Variants in DPP6 observed in about 807,000 individuals in gnomAD.
The protein encoded by DPP6 is A-type potassium channel modulatory protein DPP6.
DPP6 carries 69 observed loss-of-function variants against 122.6 expected under a neutral mutation model. The observed-to-expected ratio is 0.56, with a 90% CI of 0.46 to 0.69. DPP6 has a LOEUF of 0.69. DPP6 is among the 30% of genes least tolerant of loss of function. The probability of loss-of-function intolerance (pLI) is 0.00; values close to 1 mark genes in which losing one functional copy is unlikely to be tolerated. For missense variants in DPP6, 928 were observed against 1,116.9 expected, an observed-to-expected ratio of 0.83 and a Z score of 2.41; for synonymous variants, 418 against 433.1, an observed-to-expected ratio of 0.97 and a Z score of 0.43.
chr7:154,142,051 C>G (rs993632140), intron 1 of DPP6, among the ~76,000 whole-genome samples: 3 of 152,174 alleles, frequency 2.0e-5, no homozygotes, highest in African/African-American at 7.2e-5. Flanking sequence ...TAGGCATCCC[C>G]TATTCAGAAT....
intron 18 of DPP6, among the ~76,000 whole-genome samples, chr7:154,870,127 G>T (rs1804263558): frequency 1.4e-5 from 2 of 147,892 alleles, no homozygotes; most frequent in Admixed American, 1.4e-4. Context: ...CCACAGGCAG[G>T]CCACATGCCC....
chr7:154,589,113 G>T (rs1832652595), intron 5 of DPP6, among the ~76,000 whole-genome samples: 1 of 152,188 alleles, frequency 6.6e-6, no homozygotes, highest in African/African-American at 2.4e-5. Context: ...CCCTGCACAA[G>T]TATGCTTGTG....
At chr7:154,444,289 C>G (rs1819668527) in intron 1 of DPP6, among the ~76,000 whole-genome samples, 3 of 150,408 alleles carry the variant, frequency 2.0e-5, no homozygotes, top group Admixed American at 2.0e-4. Context: ...AACCCTGTCT[C>G]TACTAAATAG....
rs548251638 is a variant in DPP6 at position 154,544,149 on chromosome 7, T to C, written c.552+3523T>C. Among the ~76,000 whole-genome samples, 16 of 143,366 alleles carry C rather than the reference T, an allele frequency of 1.1e-4. No homozygotes were observed. The East Asian group carries it at 2.8e-3, about 25-fold the overall frequency. The allele number at this position is 143,366 out of a possible 152,430, so 94.1% of individuals were successfully genotyped here. ...CACAAATATATGTATTTTATATATATATTTTATATATATATATATAGTGGG... is the reference window on the plus strand; with the variant it reads ...CACAAATATATGTATTTTATATATACATTTTATATATATATATATAGTGGG... On this transcript the variant is annotated intron_variant, in intron 4 of 25. Transcript: ENST00000377770.
chr7:154,305,856 A>G (rs1806294818), intron 1 of DPP6, among the ~76,000 whole-genome samples: 2 of 151,902 alleles, frequency 1.3e-5, no homozygotes, highest in Admixed American at 6.6e-5. Flanking sequence ...GATGTGAAAC[A>G]CCTCTGGACA....
chr7:154,744,106 T>C (rs1842933081), intron 8 of DPP6, among the ~76,000 whole-genome samples: 1 of 152,152 alleles, frequency 6.6e-6, no homozygotes, highest in South Asian at 2.1e-4. Flanking sequence ...CGGTGCGTCC[T>C]GTGTAATGGG....
chr7:154,346,054 C>T lies in DPP6; in HGVS notation c.244-100160C>T, dbSNP rs575134407. ...TGGATCTTCCCAGAGGGGTAGAAGC[C>T]TTCCTCCCCACTTTCCAATCCTTGA... On this transcript the variant is annotated intron_variant, in intron 1 of 25. Transcript: ENST00000377770. 5.9e-5 allele frequency among the ~76,000 whole-genome samples: 9 copies of T among 152,210 alleles called. No individual in the cohort carries two copies. The South Asian group carries it at 1.2e-3, about 21-fold the overall frequency.
chr7:154,239,489 AT>A (rs1405676832), intron 1 of DPP6, among the ~76,000 whole-genome samples: 1 of 151,952 alleles, frequency 6.6e-6, no homozygotes, highest in Non-Finnish European at 1.5e-5. Flanking sequence ...AATGAATAAT[AT>A]TTTCTCTTCC....
chr7:154,872,076 G>A (rs1387107836), intron 18 of DPP6, among the ~76,000 whole-genome samples: 1 of 152,140 alleles, frequency 6.6e-6, no homozygotes, highest in Non-Finnish European at 1.5e-5. Context: ...TAGCCATAGA[G>A]CCACCCAGCA....
At chr7:154,415,334 AAT>A (rs1297622644) in intron 1 of DPP6, among the ~76,000 whole-genome samples, 5 of 152,040 alleles carry the variant, frequency 3.3e-5, no homozygotes, top group Admixed American at 2.0e-4. Flanking sequence ...CACTACTCAG[AAT>A]TAAGAAGGTA....
At chr7:154,506,388 G>A (rs1202278152) in intron 3 of DPP6, among the ~76,000 whole-genome samples, 1 of 152,066 alleles carries the variant, frequency 6.6e-6, no homozygotes, top group African/African-American at 2.4e-5. Context: ...TCTTTAGAGG[G>A]TGACTATTGA....
intron 5 of DPP6, among the ~76,000 whole-genome samples, chr7:154,568,581 A>C (rs1830913626): frequency 1.3e-5 from 2 of 152,184 alleles, no homozygotes; most frequent in South Asian, 4.2e-4. Flanking sequence ...ATTCTCCACC[A>C]CTTTCTTCGG....
intron 7 of DPP6, among the ~76,000 whole-genome samples, chr7:154,688,852 A>G (rs1839778372): frequency 6.6e-6 from 1 of 152,200 alleles, no homozygotes; most frequent in Non-Finnish European, 1.5e-5. Flanking sequence ...CAAGATTAAT[A>G]CTTTGTATCC....
chr7:154,100,136 A>G (rs1805627278), intron 1 of DPP6, among the ~76,000 whole-genome samples: 1 of 111,956 alleles, frequency 8.9e-6, no homozygotes, highest in African/African-American at 3.9e-5. Flanking sequence ...GAGTTCACAG[A>G]AAAGGTTTCG....
At chr7:154,614,758 A>T (rs2130822283) in intron 5 of DPP6, among the ~76,000 whole-genome samples, 1 of 124,574 alleles carries the variant, frequency 8.0e-6, no homozygotes, top group African/African-American at 2.6e-5. Flanking sequence ...CTTTTATTAG[A>T]TAAACGGAAG....
chr7:154,696,598 G>A (rs547818349), intron 7 of DPP6, among the ~76,000 whole-genome samples: 87 of 152,308 alleles, frequency 5.7e-4, no homozygotes, highest in African/African-American at 2.0e-3. Context: ...CAGAGCTGGA[G>A]CCTGCCAGCC....
At position 153,915,943 on chromosome 7, in the gene DPP6, T is replaced by TTTTA. The variant is rs141267507; in HGVS notation, c.51+28245_51+28248dup. 3.7e-3 allele frequency among the ~76,000 whole-genome samples: 549 copies of TTTTA among 147,072 alleles called. 1 individual carries two copies. The highest frequency in any genetic ancestry group is 6.2e-3 in the South Asian group (28 of 4,488). The stretch of plus-strand genomic sequence containing the variant: ...CACTAAGATAAATAGCTCCTCTGAT[T>TTTTA]TTTATTTATTTATTTATTTATTTAT... On this transcript the variant is annotated intron_variant, in intron 1 of 25. Coordinates refer to the DPP6 transcript ENST00000404039.
intron 16 of DPP6, among the ~76,000 whole-genome samples, chr7:154,809,847 T>C (rs1037825135): frequency 6.6e-6 from 1 of 152,142 alleles, no homozygotes; most frequent in Non-Finnish European, 1.5e-5. Context: ...CCTCCCAGAA[T>C]CCAGAATCCA....
chr7:153,899,293 T>A (rs879308343), intron 1 of DPP6, among the ~76,000 whole-genome samples: 2 of 152,160 alleles, frequency 1.3e-5, no homozygotes, highest in Non-Finnish European at 2.9e-5. Flanking sequence ...CTTGCCTTTA[T>A]GTTGGGAAAC....
Sources: gnomAD v4.1 joint callset for allele counts (sites outside exome capture counted in the v4.1 genomes callset) on GRCh38, gnomAD v4.1.1 for gene constraint, MANE v1.5 for transcripts, NCBI Gene and HGNC (gene_info 2026-07-23, HGNC 2026-07-21) for gene names.